SEMA3E: variants seen among roughly 807,000 people sequenced by gnomAD.
The protein encoded by SEMA3E is semaphorin 3E.
Under a neutral mutation model 93.6 loss-of-function variants are expected in SEMA3E, and 49 were observed. The ratio of observed to expected loss-of-function variants is 0.52; its 90% CI spans 0.42 to 0.66. The LOEUF is 0.66. Among genes scored for constraint, SEMA3E ranks in the 30% least tolerant of loss-of-function variants. The pLI is 0.00. For synonymous variants in SEMA3E, 363 were observed against 330.7 expected, an observed-to-expected ratio of 1.10 and a Z score of -1.06; for missense variants, 906 against 964.8, an observed-to-expected ratio of 0.94 and a Z score of 0.81.
At chr7:83,444,903 T>C (rs2115797420) in intron 4 of SEMA3E, among the ~76,000 whole-genome samples, 1 of 152,240 alleles carries the variant, frequency 6.6e-6, no homozygotes, top group East Asian at 1.9e-4. Context: ...ACTCCTGACC[T>C]CAGGTGATGC....
chr7:83,475,706 C>G (rs1789995677), intron 2 of SEMA3E, among the ~76,000 whole-genome samples: 1 of 152,160 alleles, frequency 6.6e-6, no homozygotes, highest in Non-Finnish European at 1.5e-5. Context: ...TGTTTTCTGA[C>G]AGCATCTATG....
intron 1 of SEMA3E, among the ~76,000 whole-genome samples, chr7:83,492,395 ACTTG>A: frequency 6.6e-6 from 1 of 151,976 alleles, no homozygotes; most frequent in Non-Finnish European, 1.5e-5. Flanking sequence ...ACCAACTTTT[ACTTG>A]CTTTTATGAC....
chr7:83,535,566 A>T (rs1348405106), intron 1 of SEMA3E, among the ~76,000 whole-genome samples: 1 of 152,066 alleles, frequency 6.6e-6, no homozygotes, highest in Admixed American at 6.6e-5. Flanking sequence ...GCATTAAAGA[A>T]CCTATCAATG....
intron 6 of SEMA3E, among the ~76,000 whole-genome samples, chr7:83,407,949 T>C (rs1349821320): frequency 2.0e-5 from 3 of 152,240 alleles, no homozygotes; most frequent in Non-Finnish European, 2.9e-5. Flanking sequence ...TCAATGAATG[T>C]CTAGTGACTT....
intron 1 of SEMA3E, among the ~76,000 whole-genome samples, chr7:83,556,932 C>T (rs215263): frequency 0.19 from 28,818 of 152,048 alleles, 3,978 homozygotes; most frequent in African/African-American, 0.39. Context: ...TTCAAGGCAC[C>T]ATCTCAGAAG....
intron 1 of SEMA3E, among the ~76,000 whole-genome samples, chr7:83,553,615 A>T (rs73708084): frequency 0.13 from 19,167 of 152,168 alleles, 1,313 homozygotes; most frequent in East Asian, 0.2. Context: ...ACGGATGAAT[A>T]AATGAATGAA....
intron 1 of SEMA3E, among the ~76,000 whole-genome samples, chr7:83,605,429 TC>T (rs1241650333): frequency 1.6e-4 from 23 of 148,362 alleles, no homozygotes; most frequent in Admixed American, 1.5e-3. Flanking sequence ...ATAAATGTCC[TC>T]TCTTTTTTTT....
chr7:83,386,848 AG>A (rs1787892530), intron 15 of SEMA3E, 134 bp downstream of exon 15: 4 of 819,836 alleles, frequency 4.9e-6, no homozygotes, highest in Non-Finnish European at 7.7e-6. Context: ...TACATGTCAG[AG>A]AAAAAGAATA....
At chr7:83,441,958 G>A (rs1481006910) in intron 4 of SEMA3E, among the ~76,000 whole-genome samples, 1 of 152,086 alleles carries the variant, frequency 6.6e-6, no homozygotes, top group Non-Finnish European at 1.5e-5. Flanking sequence ...TCTGTTCTTT[G>A]AATTCTTTAC....
intron 2 of SEMA3E, among the ~76,000 whole-genome samples, chr7:83,477,161 A>C (rs1458140359): frequency 5.9e-5 from 9 of 152,128 alleles, no homozygotes. Context: ...ATTGTCTAAA[A>C]ATTAGATTAT....
At chr7:83,531,214 C>T (rs922525088) in intron 1 of SEMA3E, among the ~76,000 whole-genome samples, 33 of 150,352 alleles carry the variant, frequency 2.2e-4, no homozygotes, top group African/African-American at 7.6e-4. Flanking sequence ...TTTATTTGTT[C>T]AAGTATAAAT....
At position 83,508,233 on chromosome 7, in the gene SEMA3E, ATGAT is replaced by A. The variant is rs1287596601; in HGVS notation, c.116-17963_116-17960del. Among the ~76,000 whole-genome samples, 4 of 151,542 alleles carry A rather than the reference ATGAT, an allele frequency of 2.6e-5. No individual in the cohort carries two copies. The South Asian group carries it at 8.4e-4, about 32-fold the overall frequency. ...TCCTGAATATAAAAATATTAACTAAATGATTGATTGATGACATAATTTTCTTTTT... is the reference window on the plus strand; with the variant it reads ...TCCTGAATATAAAAATATTAACTAAATGATTGATGACATAATTTTCTTTTT... On this transcript the variant is annotated intron_variant, in intron 1 of 16. Transcript: ENST00000643230.
At chr7:83,380,337 TTC>T (rs752194781) in intron 16 of SEMA3E, among the ~76,000 whole-genome samples, 2 of 151,960 alleles carry the variant, frequency 1.3e-5, no homozygotes, top group Non-Finnish European at 2.9e-5. Flanking sequence ...GTTCTTGACA[TTC>T]TGTTTATCTC....
chr7:83,459,089 A>T (rs1789556609), intron 4 of SEMA3E, among the ~76,000 whole-genome samples: 3 of 151,550 alleles, frequency 2.0e-5, no homozygotes, highest in Non-Finnish European at 2.9e-5. Flanking sequence ...TTAAGTATCC[A>T]AGAATCTCAG....
intron 16 of SEMA3E, among the ~76,000 whole-genome samples, chr7:83,381,867 T>C (rs1421645536): frequency 1.3e-5 from 2 of 151,976 alleles, no homozygotes; most frequent in Non-Finnish European, 2.9e-5. Context: ...CATTGATGTC[T>C]ATATTGTGTA....
chr7:83,373,231 T>C (rs182637191), intron 16 of SEMA3E: 76 of 152,242 alleles, frequency 5.0e-4, no homozygotes, highest in Admixed American at 4.3e-3. Context: ...CTACCAACCA[T>C]ATGGTTCCAT....
chr7:83,608,221 GA>G (rs990466421), intron 1 of SEMA3E, among the ~76,000 whole-genome samples: 21 of 149,590 alleles, frequency 1.4e-4, no homozygotes, highest in Admixed American at 1.1e-3. Flanking sequence ...TCAAAAAAAA[GA>G]AAAAAAAAGA....
At chr7:83,463,280 T>A (rs1196711084) in intron 4 of SEMA3E, among the ~76,000 whole-genome samples, 1 of 151,986 alleles carries the variant, frequency 6.6e-6, no homozygotes, top group Non-Finnish European at 1.5e-5. Context: ...TTGACCTTAC[T>A]GTTTTAGCCT....
intron 1 of SEMA3E, among the ~76,000 whole-genome samples, chr7:83,562,030 G>A (rs375325637): frequency 1.3e-5 from 2 of 152,224 alleles, no homozygotes; most frequent in East Asian, 3.9e-4. Context: ...TACACAATAT[G>A]TAAAATACAA....
Sources: allele counts gnomAD v4.1 joint callset (sites outside exome capture counted in the v4.1 genomes callset), GRCh38; gene constraint gnomAD v4.1.1; transcripts MANE v1.5; gene names NCBI Gene and HGNC (gene_info 2026-07-23, HGNC 2026-07-21).